Variants in PI4KA observed in about 807,000 individuals in gnomAD.
PI4KA encodes PI4-kinase alpha.
In PI4KA, 122 loss-of-function variants were observed where a neutral mutation model predicts 271.4. The observed-to-expected ratio is 0.45, with a 90% CI of 0.39 to 0.52. PI4KA has a LOEUF of 0.52. PI4KA is among the 20% of genes least tolerant of loss of function. The pLI is 0.00. For missense variants in PI4KA, 1,969 were observed against 2,769.1 expected (o/e 0.71, Z 6.48); for synonymous variants, 1,041 against 1,078.8 (o/e 0.96, Z 0.69).
chr22:20,733,781 T>C lies in PI4KA; in HGVS notation c.4115A>G (p.Asn1372Ser), dbSNP rs774863013. The C allele has an allele frequency of 3.7e-6, 6 of 1,613,004 alleles. No individual in the cohort carries two copies. The highest frequency in any genetic ancestry group is 1.3e-5 in the African/African-American group (1 of 74,850). Residue 1372 changes from asparagine (N) to serine (S), a missense_variant, in exon 35 of 55, where the codon AAT becomes AGT. Around this residue, in one of 13 missense-constraint regions of PI4KA, gnomAD observed 72 missense variants for 103.1 expected, o/e 0.70. Coordinates refer to ENST00000255882, the MANE Select transcript of PI4KA (RefSeq NM_058004.4). ...ADVVPNATIR[N>S]VLREKIYSTA... ...GGAGTAGATCTTCTCGCGAAGCACATTGCGGATGGTTGCATTTGGAACCAC... is the reference window on the plus strand; with the variant it reads ...GGAGTAGATCTTCTCGCGAAGCACACTGCGGATGGTTGCATTTGGAACCAC...
chr22:20,837,282 T>C (rs1305334464), intron 2 of PI4KA, among the ~76,000 whole-genome samples: 1 of 152,184 alleles, frequency 6.6e-6, no homozygotes, highest in African/African-American at 2.4e-5. Context: ...GAGGCTGAGA[T>C]GGGAGAATCC....
chr22:20,820,003 A>C, intron 5 of PI4KA, 103 bp from the exon 6 acceptor site: 1 of 1,012,380 alleles, frequency 9.9e-7, no homozygotes, highest in Non-Finnish European at 1.5e-6. Flanking sequence ...CAACCCACCC[A>C]CTAATAACTG....
Position 20,717,741 on chromosome 22 carries a change from G to A in PI4KA, c.5284C>T (p.Leu1762=). 5.1e-6 allele frequency: 8 copies of A among 1,580,666 alleles called. No individual in the cohort carries two copies. The highest frequency in any genetic ancestry group is 6.9e-6 in the Non-Finnish European group (8 of 1,161,576). The part of the protein sequence containing the change: ...PKGDERKKAC[L]SALSEVKVQP... ...ACCTTCACTTCAGACAGGGCCGACA[G>A]ACAAGCCTTCTTTCTCTCGTCGCCT... Residue 1762 remains leucine, a synonymous_variant, in exon 45 of 55, where the codon CTG becomes TTG. Transcript: ENST00000255882.
At position 20,821,440 on chromosome 22, in the gene PI4KA, G is replaced by A. The variant is rs188557692; in HGVS notation, c.457-829C>T. Among the ~76,000 whole-genome samples the A allele has an allele frequency of 3.6e-3, 548 of 151,872 alleles. 4 individuals carry two copies. Among genetic ancestry groups the A allele is most frequent in the Middle Eastern group, 6.8e-3 (2 of 292 alleles). On this transcript the variant is annotated intron_variant, in intron 4 of 54. Coordinates refer to ENST00000255882, the MANE Select transcript of PI4KA (RefSeq NM_058004.4). The stretch of plus-strand genomic sequence containing the variant: ...TCACCATGTTAGCCGGGCTGGTCTC[G>A]AACTCCTGACCTCAGGTGATCCACC...
chr22:20,838,627 T>G lies in PI4KA; in HGVS notation c.261A>C (p.Glu87Asp). The G allele has an allele frequency of 6.3e-7, 1 of 1,594,408 alleles. No individual in the cohort carries two copies. Among genetic ancestry groups the G allele is most frequent in the Non-Finnish European group, 8.6e-7 (1 of 1,162,104 alleles). Reference sequence around the variant, plus strand: ...CATGAAGACTTACCTGAAGATCAGATTCAATCAGAAAAATGCCCAATGCAA... The same window carrying G: ...CATGAAGACTTACCTGAAGATCAGAGTCAATCAGAAAAATGCCCAATGCAA... ...AVIALGIFLI[E>D]SDLQHKDCVV... The change falls in exon 2 of 55, where the codon GAA becomes GAC. Residue 87 changes from glutamate to aspartate, a missense_variant. By Grantham distance (45) the Glu-to-Asp change is conservative (BLOSUM62 2). This residue lies in a region of PI4KA where 540 missense variants were observed against 555.5 expected (regional missense o/e 0.97). Transcript: ENST00000255882.
At position 20,727,262 on chromosome 22, in the gene PI4KA, A is replaced by C; in HGVS notation, c.4909T>G (p.Tyr1637Asp). The change falls in exon 41 of 55, where the codon TAC becomes GAC. Residue 1637 changes from tyrosine to aspartate, a missense_variant. Physicochemically the swap from Tyr to Asp is radical, Grantham distance 160. Transcript: ENST00000255882. ...MYPPHPLTAQYGVKVLRSFPP... is the reference protein window; with the variant it reads ...MYPPHPLTAQDGVKVLRSFPP... ...AAGGACCGCAGGACTTTCACCCCGT[A>C]CTGCGCCGTGAGAGGGTGCGGCGGG... 6.2e-7 allele frequency: 1 copy of C among 1,613,398 alleles called. No individual in the cohort carries two copies. Among genetic ancestry groups the C allele is most frequent in the Non-Finnish European group, 8.5e-7 (1 of 1,179,902 alleles).
At chr22:20,719,753 G>A (rs1340725236) in intron 43 of PI4KA, among the ~76,000 whole-genome samples, 3 of 152,124 alleles carry the variant, frequency 2.0e-5, no homozygotes, top group Non-Finnish European at 4.4e-5. Flanking sequence ...TGGGCCGGGC[G>A]TGGTGGCTCA....
intron 32 of PI4KA, among the ~76,000 whole-genome samples, chr22:20,739,895 T>C (rs1183596485): frequency 6.6e-6 from 1 of 151,968 alleles, no homozygotes; most frequent in African/African-American, 2.4e-5. Flanking sequence ...AAACCCTGTC[T>C]GTACAAAAAC....
chr22:20,816,454 T>A (rs1444643542), intron 7 of PI4KA, among the ~76,000 whole-genome samples: 1 of 152,072 alleles, frequency 6.6e-6, no homozygotes, highest in Admixed American at 6.6e-5. Context: ...AAAACTAAAT[T>A]CTTACAGCAG....
At chr22:20,850,851 G>A (rs1926878718) in intron 1 of PI4KA, among the ~76,000 whole-genome samples, 1 of 152,012 alleles carries the variant, frequency 6.6e-6, no homozygotes, top group African/African-American at 2.4e-5. Context: ...CTAAGCCTGG[G>A]CAAGATAGTA....
chr22:20,752,835 T>C (rs906478170), intron 25 of PI4KA, 68 bp downstream of exon 25: 3 of 1,521,482 alleles, frequency 2.0e-6, no homozygotes, highest in African/African-American at 2.8e-5. Flanking sequence ...GGATGATTTT[T>C]CCCAGCATTT....
chr22:20,855,757 C>A (rs572382280), intron 1 of PI4KA, among the ~76,000 whole-genome samples: 26 of 152,306 alleles, frequency 1.7e-4, no homozygotes, highest in African/African-American at 6.0e-4. Flanking sequence ...TTAATTTATG[C>A]ACCACCAGCC....
Position 20,743,848 on chromosome 22 carries a change from A to G in PI4KA, c.3456+780T>C, listed in dbSNP as rs373982269. 9.9e-5 allele frequency among the ~76,000 whole-genome samples: 15 copies of G among 151,994 alleles called. No individual in the cohort carries two copies. In the South Asian group the frequency reaches 2.7e-3, roughly 27 times the overall value. On this transcript the variant is annotated intron_variant, in intron 30 of 54. Coordinates refer to ENST00000255882, the MANE Select transcript of PI4KA (RefSeq NM_058004.4). ...GGCGGGCAGATCATGAGGTCAGGAG[A>G]TCAAGACCGTCCTGGCTAACACAGT...
intron 32 of PI4KA, among the ~76,000 whole-genome samples, chr22:20,740,061 C>CA (rs59323542): frequency 0.077 from 5,598 of 72,976 alleles, 448 homozygotes; most frequent in Non-Finnish European, 0.083. Context: ...GACCCCATCT[C>CA]AAAAAAAAAA....
intron 32 of PI4KA, among the ~76,000 whole-genome samples, chr22:20,738,334 T>C (rs866361154): frequency 6.6e-6 from 1 of 152,188 alleles, no homozygotes; most frequent in Non-Finnish European, 1.5e-5. Flanking sequence ...CCTGCTTAAG[T>C]TGGGCACACA....
At chr22:20,784,043 GT>G in intron 19 of PI4KA, 9 of 1,614,188 alleles carry the variant, frequency 5.6e-6, no homozygotes, top group Non-Finnish European at 7.6e-6. Context: ...GAGAGAGGTA[GT>G]TAAGGTTTCC....
At chr22:20,772,679 C>T (rs1239810265) in intron 19 of PI4KA, among the ~76,000 whole-genome samples, 1 of 152,166 alleles carries the variant, frequency 6.6e-6, no homozygotes, top group African/African-American at 2.4e-5. Context: ...CTCTGGGTGC[C>T]GACACTCCCA....
At chr22:20,742,970 G>C in intron 30 of PI4KA, 2 of 567,586 alleles carry the variant, frequency 3.5e-6, no homozygotes, top group Non-Finnish European at 6.3e-6. Context: ...AGCTCCTCTA[G>C]AAATGCATGT....
chr22:20,827,308 G>C (rs1923550657), intron 3 of PI4KA, among the ~76,000 whole-genome samples: 1 of 152,182 alleles, frequency 6.6e-6, no homozygotes, highest in Non-Finnish European at 1.5e-5. Flanking sequence ...ATTGAGCAGG[G>C]AGTCCTTTCC....
Sources: gnomAD v4.1 joint callset for allele counts (sites outside exome capture counted in the v4.1 genomes callset) on GRCh38, gnomAD v4.1.1 for gene constraint, gnomAD v4.1.1 regional missense constraint, MANE v1.5 for transcripts, NCBI Gene and HGNC (gene_info 2026-07-23, HGNC 2026-07-21) for gene names.